Variants in BCR observed in about 807,000 individuals in gnomAD.
BCR encodes BCR activator of RhoGEF and GTPase.
Under a neutral mutation model 138.6 loss-of-function variants are expected in BCR, and 58 were observed. The observed-to-expected ratio is 0.42, with a 90% CI of 0.34 to 0.52. BCR has a LOEUF of 0.52. BCR is among the 20% of genes least tolerant of loss of function. BCR has a pLI of 0.06. For synonymous variants in BCR, 786 were observed against 730.1 expected (o/e 1.08, Z -1.23); for missense variants, 1,599 against 1,727.2 (o/e 0.93, Z 1.32).
chr22:23,299,417 G>A (rs1186512228), intron 16 of BCR, among the ~76,000 whole-genome samples: 8 of 152,208 alleles, frequency 5.3e-5, no homozygotes, highest in Admixed American at 4.6e-4. Context: ...CTGTGTGGAC[G>A]AGACCTACAT....
chr22:23,268,429 C>T lies in BCR; in HGVS notation c.1774C>T (p.Arg592Trp), dbSNP rs1355490966. Residue 592 changes from arginine to tryptophan, a missense_variant, in exon 5 of 23, where the codon CGG (arginine) becomes TGG (tryptophan). Physicochemically the swap from Arg to Trp is moderately radical, Grantham distance 101. This residue lies in a region of BCR where 590 missense variants were observed against 762.4 expected (regional missense o/e 0.77). Coordinates refer to ENST00000305877, the MANE Select transcript of BCR (RefSeq NM_004327.4). The part of the protein sequence containing the change: ...QKLASQLGVY[R>W]AFVDNYGVAM... The stretch of plus-strand genomic sequence containing the variant: ...TCAGGCCAGCCAGCTGGGTGTGTAC[C>T]GGGCCTTCGTGGACAACTACGGAGT... The T allele has an allele frequency of 1.8e-5, 29 of 1,612,878 alleles. No individual in the cohort carries two copies. The highest frequency in any genetic ancestry group is 1.6e-4 in the Middle Eastern group (1 of 6,082).
At chr22:23,231,448 G>A (rs1337329691) in intron 1 of BCR, among the ~76,000 whole-genome samples, 1 of 151,714 alleles carries the variant, frequency 6.6e-6, no homozygotes, top group African/African-American at 2.4e-5. Context: ...TTGAGGCAAT[G>A]GTGAGCCATG....
intron 4 of BCR, chr22:23,261,801 G>A (rs1022869643): frequency 1.3e-5 from 3 of 231,762 alleles, no homozygotes; most frequent in South Asian, 1.3e-4. Flanking sequence ...GACTTACTAC[G>A]TTGTCCAGGC....
intron 1 of BCR, among the ~76,000 whole-genome samples, chr22:23,245,771 G>C (rs1485383937): frequency 6.6e-6 from 1 of 151,678 alleles, no homozygotes; most frequent in Non-Finnish European, 1.5e-5. Context: ...TATGTTCCGG[G>C]TTCCCTGCTT....
intron 2 of BCR, among the ~76,000 whole-genome samples, chr22:23,259,621 A>G (rs945623942): frequency 2.0e-5 from 3 of 151,900 alleles, no homozygotes; most frequent in Non-Finnish European, 2.9e-5. Context: ...TGTTCAGGCA[A>G]TTCTCCTGCC....
chr22:23,181,577 A>G lies in BCR; in HGVS notation c.617A>G (p.Gln206Arg). The change falls in exon 1 of 23, where the codon CAG becomes CGG. Residue 206 changes from glutamine (Q) to arginine (R), a missense_variant. By Grantham distance (43) the Gln-to-Arg change is conservative. This residue lies in a region of BCR where 806 missense variants were observed against 635.0 expected (regional missense o/e 1.27). Transcript: ENST00000305877. ...GACCGCATCAGCTCCCTGGGCAGCC[A>G]GGCCATGCAGATGGAGCGCAAAAAG... ...VSDRISSLGS[Q>R]AMQMERKKSQ... is the part of the protein sequence containing the mutation. 1 of 1,612,916 alleles carries G rather than the reference A, an allele frequency of 6.2e-7. No homozygotes were observed. The highest frequency in any genetic ancestry group is 2.2e-5 in the East Asian group (1 of 44,872).
chr22:23,249,305 G>A (rs1363447725), intron 1 of BCR, among the ~76,000 whole-genome samples: 2 of 152,008 alleles, frequency 1.3e-5, no homozygotes, highest in South Asian at 2.1e-4. Context: ...GGTGGCGCAC[G>A]CCTGTAGTCC....
At position 23,181,176 on chromosome 22, in the gene BCR, G is replaced by A; in HGVS notation, c.216G>A (p.Arg72=). ...CCAAGGAAAAGAAGAGCTATGACCG[G>A]CAGCGATGGGGCTTCCGGCGCGCGG... ...LLAKEKKSYD[R]QRWGFRRAAQ... Residue 72 remains arginine, a synonymous_variant, in exon 1 of 23, where the codon CGG becomes CGA. Transcript: ENST00000305877. The A allele has an allele frequency of 7.3e-7, 1 of 1,372,854 alleles. No individual in the cohort carries two copies. The highest frequency in any genetic ancestry group is 3.1e-5 in the East Asian group (1 of 32,296). 85.0% of individuals were successfully genotyped at this position (1,372,854 alleles called of 1,614,324 possible).
At chr22:23,248,981 T>A (rs1481547461) in intron 1 of BCR, among the ~76,000 whole-genome samples, 1 of 152,178 alleles carries the variant, frequency 6.6e-6, no homozygotes, top group African/African-American at 2.4e-5. Context: ...TAATGTACTT[T>A]ATCCTCAAGA....
chr22:23,199,222 T>C (rs1338230832), intron 1 of BCR: 2 of 507,744 alleles, frequency 3.9e-6, no homozygotes, highest in Non-Finnish European at 7.9e-6. Context: ...GGCCAGATGG[T>C]GTGAGTGGCT....
intron 16 of BCR, among the ~76,000 whole-genome samples, chr22:23,297,717 A>G (rs970783859): frequency 6.6e-6 from 1 of 152,142 alleles, no homozygotes; most frequent in African/African-American, 2.4e-5. Flanking sequence ...GATTCTGCCA[A>G]CCATTGACTC....
intron 18 of BCR, among the ~76,000 whole-genome samples, 183 bp downstream of exon 18, chr22:23,310,616 T>C (rs1364601380): frequency 1.3e-5 from 2 of 152,128 alleles, no homozygotes; most frequent in African/African-American, 2.4e-5. Flanking sequence ...CTCAGGAATG[T>C]CCTTGCCACC....
chr22:23,182,382 T>C (rs1020345912), intron 1 of BCR, 143 bp downstream of exon 1: 3 of 1,004,194 alleles, frequency 3.0e-6, no homozygotes, highest in Non-Finnish European at 4.2e-6. Context: ...ACGCGGATCC[T>C]GCACCCGAAC....
chr22:23,290,358 C>G lies in BCR; in HGVS notation c.2727C>G (p.Leu909=). The change falls in exon 14 of 23, where the codon CTC becomes CTG. Residue 909 remains leucine (L), a synonymous_variant. Transcript: ENST00000305877. ...GCGCAGATGATGAGTCTCCGGGGCTCTATGGGTTTCTGAATGTCATCGTCC... is the reference window on the plus strand; with the variant it reads ...GCGCAGATGATGAGTCTCCGGGGCTGTATGGGTTTCTGAATGTCATCGTCC... ...INKEDDESPG[L]YGFLNVIVHS... 1.2e-6 allele frequency: 2 copies of G among 1,614,136 alleles called. No individual in the cohort carries two copies. Among genetic ancestry groups the G allele is most frequent in the African/African-American group, 1.3e-5 (1 of 75,040 alleles).
intron 1 of BCR, among the ~76,000 whole-genome samples, chr22:23,236,779 A>T (rs537524640): frequency 6.6e-6 from 1 of 152,240 alleles, no homozygotes; most frequent in Non-Finnish European, 1.5e-5. Context: ...AACTTTAGGC[A>T]GTCAGCTGGG....
Position 23,207,782 on chromosome 22 carries a change from G to T in BCR, c.1279+25543G>T, listed in dbSNP as rs537794708. On this transcript the variant is annotated intron_variant, in intron 1 of 22. Coordinates refer to ENST00000305877, the MANE Select transcript of BCR (RefSeq NM_004327.4). ...GATAGCTGGCATATGGTGTTGGGGTGAGAGACCAGCTAGTGATGATGTGGG... is the reference window on the plus strand; with the variant it reads ...GATAGCTGGCATATGGTGTTGGGGTTAGAGACCAGCTAGTGATGATGTGGG... Among the ~76,000 whole-genome samples the T allele has an allele frequency of 3.9e-4, 59 of 152,306 alleles. 1 individual carries two copies. The South Asian group carries it at 0.01, about 27-fold the overall frequency.
intron 4 of BCR, chr22:23,263,353 C>T (rs1269897238): frequency 3.3e-6 from 4 of 1,200,986 alleles, no homozygotes; most frequent in South Asian, 1.3e-5. Flanking sequence ...GCCTGGGCCT[C>T]GCTCAACTCC....
rs772780462 is a variant in BCR, at chr22:23,253,912, C to A, written c.1393C>A (p.His465Asn). The A allele has an allele frequency of 2.0e-5, 33 of 1,613,086 alleles. No individual in the cohort carries two copies. Among genetic ancestry groups the A allele is most frequent in the Middle Eastern group, 1.6e-4 (1 of 6,084 alleles). ...YIDDSPSSSP[H>N]LSSKGRGSRD... The stretch of plus-strand genomic sequence containing the variant: ...TGATGACTCGCCCTCCTCATCGCCC[C>A]ACCTCAGCAGCAAGGGCAGGGGCAG... Residue 465 changes from histidine to asparagine, a missense_variant, in exon 2 of 23, where the codon CAC becomes AAC. His to Asn is a moderately conservative substitution (Grantham distance 68). Coordinates refer to ENST00000305877, the MANE Select transcript of BCR (RefSeq NM_004327.4).
intron 8 of BCR, among the ~76,000 whole-genome samples, chr22:23,282,372 G>A (rs1033980533): frequency 6.6e-6 from 1 of 152,224 alleles, no homozygotes; most frequent in African/African-American, 2.4e-5. Context: ...TTGGCACGCC[G>A]GCAGCCTTCC....
Sources: allele counts gnomAD v4.1 joint callset (sites outside exome capture counted in the v4.1 genomes callset), GRCh38; gene constraint gnomAD v4.1.1; regional missense constraint gnomAD v4.1.1; transcripts MANE v1.5; gene names NCBI Gene and HGNC (gene_info 2026-07-23, HGNC 2026-07-21).